The following ADK variants were observed in gnomAD, a reference collection of about 807,000 sequenced individuals.
ADK encodes the protein N6,N6-dimethyladenosine kinase.
A neutral mutation model predicts 44.7 loss-of-function variants in ADK; 24 were observed. The ratio of observed to expected loss-of-function variants is 0.54; its 90% CI spans 0.39 to 0.76. ADK has a LOEUF of 0.76. ADK is among the 30% of genes least tolerant of loss of function. The probability of loss-of-function intolerance (pLI) is 0.00; values close to 1 mark genes in which losing one functional copy is unlikely to be tolerated. For missense variants in ADK, 321 were observed against 425.1 expected (o/e 0.76, Z 2.15); for synonymous variants, 128 against 142.6 (o/e 0.90, Z 0.73).
At chr10:74,446,814 G>C (rs1845602864) in intron 6 of ADK, among the ~76,000 whole-genome samples, 1 of 152,050 alleles carries the variant, frequency 6.6e-6, no homozygotes, top group Non-Finnish European at 1.5e-5. Flanking sequence ...TGAGCAAACT[G>C]TTAACATTGA....
chr10:74,614,788 G>A (rs1852687877), intron 9 of ADK, among the ~76,000 whole-genome samples: 1 of 152,090 alleles, frequency 6.6e-6, no homozygotes, highest in Admixed American at 6.6e-5. Context: ...TCCCTTTATT[G>A]AAGAATGGTT....
Position 74,521,420 on chromosome 10 carries a change from TC to T in ADK, c.556-3834del, listed in dbSNP as rs569807096. On this transcript the variant is annotated intron_variant, in intron 6 of 10. Transcript: ENST00000539909. Reference sequence around the variant, plus strand: ...ATTTGGATTGGGGCCAGATTTAGACTCCAGGGGCACAGTGTTCTGTACCTTA... The same window carrying T: ...ATTTGGATTGGGGCCAGATTTAGACTCAGGGGCACAGTGTTCTGTACCTTA... 2.5e-3 allele frequency among the ~76,000 whole-genome samples: 375 copies of T among 152,252 alleles called. 18 individuals are homozygous for T. Among genetic ancestry groups the T allele is most frequent in the Admixed American group, 0.024 (372 of 15,284 alleles).
At chr10:74,418,003 T>C (rs1321871828) in intron 6 of ADK, among the ~76,000 whole-genome samples, 1 of 152,166 alleles carries the variant, frequency 6.6e-6, no homozygotes. Context: ...ATACAAATAA[T>C]TTTTGCCTTA....
intron 3 of ADK, among the ~76,000 whole-genome samples, chr10:74,257,505 TTAA>T (rs1845872439): frequency 6.6e-6 from 1 of 152,196 alleles, no homozygotes; most frequent in African/African-American, 2.4e-5. Context: ...AAAATATGAG[TTAA>T]TAAAGCAATT....
chr10:74,530,014 A>C (rs890378613), intron 7 of ADK, among the ~76,000 whole-genome samples: 1 of 152,208 alleles, frequency 6.6e-6, no homozygotes, highest in African/African-American at 2.4e-5. Flanking sequence ...AAATAATACA[A>C]CACCTTAATA....
intron 1 of ADK, among the ~76,000 whole-genome samples, chr10:74,183,123 T>G (rs1354067439): frequency 6.6e-6 from 1 of 152,126 alleles, no homozygotes; most frequent in Non-Finnish European, 1.5e-5. Context: ...TTTGTAGAGA[T>G]GGGGTTTAAC....
chr10:74,428,058 A>T (rs755853030), intron 6 of ADK, among the ~76,000 whole-genome samples: 1 of 151,954 alleles, frequency 6.6e-6, no homozygotes, highest in Non-Finnish European at 1.5e-5. Context: ...TGACATTATA[A>T]CTTCAATTCC....
chr10:74,510,999 T>G (rs1016102522), intron 6 of ADK, among the ~76,000 whole-genome samples: 5 of 152,166 alleles, frequency 3.3e-5, no homozygotes, highest in Admixed American at 1.3e-4. Flanking sequence ...TGAGCCACCA[T>G]GCCCAGCCTC....
intron 6 of ADK, among the ~76,000 whole-genome samples, chr10:74,518,863 C>T (rs1462068294): frequency 6.6e-6 from 1 of 152,014 alleles, no homozygotes; most frequent in Non-Finnish European, 1.5e-5. Context: ...TATAATCATA[C>T]TGTGTACACA....
intron 10 of ADK, among the ~76,000 whole-genome samples, chr10:74,683,025 C>G (rs1282856047): frequency 1.3e-5 from 2 of 152,190 alleles, no homozygotes; most frequent in Non-Finnish European, 2.9e-5. Flanking sequence ...GAGTTCATGA[C>G]TAATTGGTAG....
At chr10:74,563,184 A>G (rs531719942) in intron 7 of ADK, among the ~76,000 whole-genome samples, 31 of 152,250 alleles carry the variant, frequency 2.0e-4, no homozygotes, top group African/African-American at 7.2e-4. Context: ...TGCCTCAGCC[A>G]CTCAAGTAGC....
In ADK at chr10:74,254,863, T is replaced by C. The variant is rs572231798; in HGVS notation, c.194+30272T>C. Among the ~76,000 whole-genome samples the C allele has an allele frequency of 7.7e-4, 118 of 152,350 alleles. 1 individual carries two copies. The highest frequency in any genetic ancestry group is 3.4e-3 in the Middle Eastern group (1 of 294). On this transcript the variant is annotated intron_variant, in intron 3 of 10. Coordinates refer to ENST00000539909, the MANE Select transcript of ADK (RefSeq NM_006721.4). ...ATACCTTCCTTTGTTTATTTGCTATTAAACTGTTGAGAGTTTTATGGCTAG... is the reference window on the plus strand; with the variant it reads ...ATACCTTCCTTTGTTTATTTGCTATCAAACTGTTGAGAGTTTTATGGCTAG...
chr10:74,602,539 CT>C (rs562217853), intron 9 of ADK, among the ~76,000 whole-genome samples: 140 of 152,282 alleles, frequency 9.2e-4, no homozygotes, highest in Middle Eastern at 3.4e-3. Flanking sequence ...CATTCTGTGA[CT>C]GTATTTCCTT....
At chr10:74,391,813 T>G (rs528094125) in intron 4 of ADK, among the ~76,000 whole-genome samples, 2 of 152,236 alleles carry the variant, frequency 1.3e-5, no homozygotes, top group East Asian at 3.9e-4. Context: ...TTTTTCATCT[T>G]GCAACACTGA....
intron 9 of ADK, among the ~76,000 whole-genome samples, chr10:74,653,400 C>T (rs1854347034): frequency 6.6e-6 from 1 of 151,952 alleles, no homozygotes; most frequent in South Asian, 2.1e-4. Context: ...TGCAGTGAGC[C>T]GAGATCATGC....
intron 9 of ADK, among the ~76,000 whole-genome samples, chr10:74,642,077 G>C (rs1853866394): frequency 6.6e-6 from 1 of 152,086 alleles, no homozygotes; most frequent in Non-Finnish European, 1.5e-5. Flanking sequence ...ACAACAGATT[G>C]AATACTGAAG....
At chr10:74,646,339 G>A (rs1210556524) in intron 9 of ADK, among the ~76,000 whole-genome samples, 1 of 152,204 alleles carries the variant, frequency 6.6e-6, no homozygotes, top group Non-Finnish European at 1.5e-5. Context: ...TGAAAGATGA[G>A]GGGAAGCCAC....
intron 6 of ADK, among the ~76,000 whole-genome samples, chr10:74,402,112 G>A (rs911226325): frequency 2.6e-5 from 4 of 152,214 alleles, no homozygotes; most frequent in African/African-American, 9.6e-5. Flanking sequence ...GAGATCTGCT[G>A]TTATTCTGAT....
At position 74,527,993 on chromosome 10, in the gene ADK, C is replaced by T. The variant is rs1849123999; in HGVS notation, c.726+2567C>T. The T allele has an allele frequency of 1.5e-5, 12 of 807,080 alleles. No homozygotes were observed. The South Asian group carries it at 1.7e-4, about 11-fold the overall frequency. The allele number at this position is 807,080 out of a possible 1,614,324, so 50.0% of individuals were successfully genotyped here. ...AAGAAAAAATTATGGAAAAAGGCAC[C>T]TGCAAGAAAAAAGCGATTGAGGGAA... On this transcript the variant is annotated intron_variant, in intron 7 of 10. Coordinates refer to ENST00000539909, the MANE Select transcript of ADK (RefSeq NM_006721.4).
Sources: allele counts gnomAD v4.1 joint callset (sites outside exome capture counted in the v4.1 genomes callset), GRCh38; gene constraint gnomAD v4.1.1; transcripts MANE v1.5; gene names NCBI Gene and HGNC (gene_info 2026-07-23, HGNC 2026-07-21).